The following HMGN5 variants were observed in gnomAD, a reference collection of about 807,000 sequenced individuals.
HMGN5 encodes high mobility group nucleosome binding domain 5.
Under a neutral mutation model 9.5 loss-of-function variants are expected in HMGN5, and 4 were observed. The observed-to-expected ratio is 0.42, with a 90% CI of 0.21 to 0.96. HMGN5 has a LOEUF of 0.96. HMGN5 is among the 40% of genes least tolerant of loss of function. The pLI, the probability that HMGN5 is intolerant of heterozygous loss-of-function variation, is 0.30. For missense variants in HMGN5, 192 were observed against 187.5 expected (o/e 1.02, Z -0.14); for synonymous variants, 55 against 57.1 (o/e 0.96, Z 0.16).
At chrX:81,167,479 C>CACACAA (rs1242781031) in intron 1 of HMGN5, among the ~76,000 whole-genome samples, 1 of 111,477 alleles carries the variant, frequency 9.0e-6, no homozygotes, top group African/African-American at 3.3e-5. Context: ...CACACACACA[C>CACACAA]ACACAAACAT....
chrX:81,145,294 A>G (rs1440223534), intron 1 of HMGN5, among the ~76,000 whole-genome samples: 1 of 112,048 alleles, frequency 8.9e-6, no homozygotes, highest in Non-Finnish European at 1.9e-5. Context: ...CATCACACTA[A>G]CAGCAGATCT....
intron 1 of HMGN5, among the ~76,000 whole-genome samples, chrX:81,149,886 C>T (rs1490334180): frequency 8.9e-6 from 1 of 111,831 alleles, no homozygotes; most frequent in Non-Finnish European, 1.9e-5. Flanking sequence ...TGCACCCAAC[C>T]TGGAGCACCT....
intron 1 of HMGN5, among the ~76,000 whole-genome samples, chrX:81,175,855 T>A (rs1018020060): frequency 8.9e-6 from 1 of 111,751 alleles, no homozygotes; most frequent in African/African-American, 3.3e-5. Context: ...AGTCGGCAGA[T>A]CCCAGCATGA....
intron 1 of HMGN5, among the ~76,000 whole-genome samples, chrX:81,140,282 C>T (rs1020155983): frequency 3.6e-5 from 4 of 111,239 alleles, no homozygotes; most frequent in South Asian, 3.8e-4. Flanking sequence ...GACTCAGGGC[C>T]GCGTGCGGTG....
At chrX:81,155,118 CATATATAT>C (rs981089415) in intron 1 of HMGN5, among the ~76,000 whole-genome samples, 2 of 90,109 alleles carry the variant, frequency 2.2e-5, no homozygotes, top group African/African-American at 8.2e-5. Flanking sequence ...CACACATACA[CATATATAT>C]ATATATATAT....
intron 1 of HMGN5, among the ~76,000 whole-genome samples, chrX:81,180,616 T>G (rs766505336): frequency 8.9e-6 from 1 of 111,898 alleles, no homozygotes; most frequent in Admixed American, 9.5e-5. Context: ...TGTAAATTAG[T>G]TCAACCATTG....
intron 1 of HMGN5, among the ~76,000 whole-genome samples, chrX:81,201,210 C>A (rs1292718598): frequency 2.8e-5 from 3 of 108,466 alleles, no homozygotes; most frequent in Non-Finnish European, 3.8e-5. Context: ...ATTCATCTTG[C>A]AAATTCCTTT....
chrX:81,130,123 G>A (rs2147545600), intron 1 of HMGN5, among the ~76,000 whole-genome samples: 1 of 111,280 alleles, frequency 9.0e-6, no homozygotes, highest in African/African-American at 3.3e-5. Context: ...GAGAGACCAG[G>A]TGTGCTTTAA....
intron 1 of HMGN5, among the ~76,000 whole-genome samples, chrX:81,126,765 G>T (rs1367974066): frequency 9.0e-6 from 1 of 111,353 alleles, no homozygotes; most frequent in Admixed American, 9.6e-5. Flanking sequence ...AAGATTAATT[G>T]TATATATTAA....
At chrX:81,135,042 A>G (rs761449270) in intron 1 of HMGN5, among the ~76,000 whole-genome samples, 1 of 111,710 alleles carries the variant, frequency 9.0e-6, no homozygotes, top group East Asian at 2.8e-4. Flanking sequence ...CATAAGAGTA[A>G]GTCTTCATGA....
At chrX:81,128,104 T>G (rs1039026392) in intron 1 of HMGN5, among the ~76,000 whole-genome samples, 1 of 110,855 alleles carries the variant, frequency 9.0e-6, no homozygotes, top group Non-Finnish European at 1.9e-5. Flanking sequence ...CATGGTGACA[T>G]TCTCACATTT....
intron 5 of HMGN5, among the ~76,000 whole-genome samples, chrX:81,118,225 G>A (rs1490696182): frequency 9.0e-6 from 1 of 110,882 alleles, no homozygotes; most frequent in Non-Finnish European, 1.9e-5. Flanking sequence ...TCTCTACCCA[G>A]TGAAAATGTC....
At chrX:81,181,921 C>A (rs1443374999) in intron 1 of HMGN5, among the ~76,000 whole-genome samples, 1 of 112,023 alleles carries the variant, frequency 8.9e-6, no homozygotes, top group Non-Finnish European at 1.9e-5. Flanking sequence ...GTACAGATAT[C>A]TCTTCGATAT....
chrX:81,199,434 A>C (rs1168935952), intron 1 of HMGN5, among the ~76,000 whole-genome samples: 8 of 112,711 alleles, frequency 7.1e-5, no homozygotes, highest in African/African-American at 9.7e-5. Context: ...AATCCTAAGC[A>C]AAAAGAACAA....
intron 1 of HMGN5, among the ~76,000 whole-genome samples, chrX:81,165,470 C>T (rs973804629): frequency 8.1e-5 from 9 of 111,136 alleles, no homozygotes; most frequent in Admixed American, 7.7e-4. Context: ...AGATCCTTAA[C>T]AAAACTCCCC....
intron 1 of HMGN5, among the ~76,000 whole-genome samples, chrX:81,193,748 C>T (rs1022161965): frequency 6.3e-5 from 7 of 111,925 alleles, no homozygotes; most frequent in African/African-American, 2.3e-4. Flanking sequence ...TTAATATTCA[C>T]ATATGAGTTT....
At chrX:81,122,480 G>A (rs1044099550) in intron 1 of HMGN5, among the ~76,000 whole-genome samples, 6 of 111,856 alleles carry the variant, frequency 5.4e-5, no homozygotes, top group Non-Finnish European at 1.1e-4. Flanking sequence ...AGCCATTGAG[G>A]TACTCGCCTC....
At chrX:81,196,154 C>A (rs763852009) in intron 1 of HMGN5, among the ~76,000 whole-genome samples, 1 of 110,833 alleles carries the variant, frequency 9.0e-6, no homozygotes, top group South Asian at 3.9e-4. Context: ...CTCCAATGTG[C>A]GGTAATTTTG....
At chrX:81,173,858 G>C (rs1356277425) in intron 1 of HMGN5, among the ~76,000 whole-genome samples, 2 of 111,377 alleles carry the variant, frequency 1.8e-5, no homozygotes, top group African/African-American at 6.5e-5. Flanking sequence ...TTATCTTAGT[G>C]AATCTCTTCC....
Sources: gnomAD v4.1 joint callset for allele counts (sites outside exome capture counted in the v4.1 genomes callset) on GRCh38, gnomAD v4.1.1 for gene constraint, MANE v1.5 for transcripts, NCBI Gene and HGNC (gene_info 2026-07-23, HGNC 2026-07-21) for gene names.